ASIC2: variants seen among roughly 807,000 people sequenced by gnomAD.
ASIC2 encodes the protein acid-sensing ion channel 2.
A neutral mutation model predicts 57.3 loss-of-function variants in ASIC2; 25 were observed. That is an observed-to-expected ratio of 0.44 (90% CI 0.32 to 0.61). The LOEUF (loss-of-function observed/expected upper bound fraction) is 0.61, where lower values mean the gene tolerates loss of function less well. Ranked by LOEUF, ASIC2 falls within the 20% of genes least tolerant of loss-of-function variation. The pLI is 0.06. For missense variants in ASIC2, 641 were observed against 738.1 expected (o/e 0.87, Z 1.52); for synonymous variants, 319 against 307.5 (o/e 1.04, Z -0.39).
intron 1 of ASIC2, among the ~76,000 whole-genome samples, chr17:34,112,830 G>A (rs1449188369): frequency 6.6e-6 from 1 of 152,190 alleles, no homozygotes; most frequent in African/African-American, 2.4e-5. Context: ...ATATTGCTAA[G>A]AGTACAGGAC....
chr17:34,141,208 T>C (rs9911464), intron 1 of ASIC2, among the ~76,000 whole-genome samples: 111,274 of 151,656 alleles, frequency 0.73, 40,887 homozygotes, highest in South Asian at 0.84. Flanking sequence ...ACAGAAACAT[T>C]GTAAGAATAA....
chr17:33,627,355 CTTTA>C (rs1208192277), intron 1 of ASIC2: 2 of 152,250 alleles, frequency 1.3e-5, no homozygotes, highest in Admixed American at 6.5e-5. Context: ...AGTTTGGGTG[CTTTA>C]TTTATTCCTT....
At chr17:33,532,110 C>A (rs1276803268) in intron 1 of ASIC2, among the ~76,000 whole-genome samples, 1 of 152,156 alleles carries the variant, frequency 6.6e-6, no homozygotes, top group Non-Finnish European at 1.5e-5. Context: ...GGAGCCAGAA[C>A]CAACACCCAG....
chr17:33,971,982 T>G (rs1209742097), intron 1 of ASIC2, among the ~76,000 whole-genome samples: 1 of 152,136 alleles, frequency 6.6e-6, no homozygotes, highest in Non-Finnish European at 1.5e-5. Flanking sequence ...TTACAGTTAC[T>G]AAGTGCTTTC....
At chr17:33,325,064 A>G (rs1294182049) in intron 1 of ASIC2, among the ~76,000 whole-genome samples, 1 of 152,216 alleles carries the variant, frequency 6.6e-6, no homozygotes, top group Non-Finnish European at 1.5e-5. Flanking sequence ...GCTTTCCATC[A>G]TCAGGCACGT....
chr17:33,642,224 A>C lies in ASIC2; in HGVS notation c.555+513754T>G, dbSNP rs1321397768. Among the ~76,000 whole-genome samples the C allele has an allele frequency of 8.0e-3, 1,012 of 126,538 alleles. 6 individuals are homozygous for C. Among genetic ancestry groups the C allele is most frequent in the African/African-American group, 0.017 (638 of 36,476 alleles). 83.0% of individuals were successfully genotyped at this position (126,538 alleles called of 152,430 possible). Reference sequence around the variant, plus strand: ...AAAAGGACACCCCCCCCCCCCCCACACACAATGGTTATGGCTGCACACCTG... The same window carrying C: ...AAAAGGACACCCCCCCCCCCCCCACCCACAATGGTTATGGCTGCACACCTG... On this transcript the variant is annotated intron_variant, in intron 1 of 9. Transcript: ENST00000359872.
intron 1 of ASIC2, among the ~76,000 whole-genome samples, chr17:33,636,588 G>C (rs190640905): frequency 6.6e-6 from 1 of 152,176 alleles, no homozygotes; most frequent in African/African-American, 2.4e-5. Flanking sequence ...TTCTTTCTAA[G>C]AGTCCATATT....
chr17:33,290,022 C>T (rs1381910511), intron 1 of ASIC2, among the ~76,000 whole-genome samples: 1 of 152,208 alleles, frequency 6.6e-6, no homozygotes, highest in East Asian at 1.9e-4. Context: ...AACAGCATCT[C>T]CTACTTGCCA....
chr17:33,870,301 G>A lies in ASIC2; in HGVS notation c.555+285677C>T, dbSNP rs1914368057. ...CTCTGTGGTTGCTGTTTGGAGAATGGGTTTGGGAGAGAGAAAGAACGAACA... is the reference window on the plus strand; with the variant it reads ...CTCTGTGGTTGCTGTTTGGAGAATGAGTTTGGGAGAGAGAAAGAACGAACA... On this transcript the variant is annotated intron_variant, in intron 1 of 9. Transcript: ENST00000359872. 8.8e-5 allele frequency among the ~76,000 whole-genome samples: 8 copies of A among 90,480 alleles called. 1 individual carries two copies. In the South Asian group the frequency reaches 3.0e-3, roughly 33 times the overall value. The allele number at this position is 90,480 out of a possible 152,430, so 59.4% of individuals were successfully genotyped here. A position where few individuals can be genotyped will look rare whatever the true frequency, so the allele number is the denominator to read the frequency against.
intron 3 of ASIC2, among the ~76,000 whole-genome samples, chr17:33,080,668 T>C (rs1351154648): frequency 3.3e-5 from 5 of 152,196 alleles, no homozygotes; most frequent in African/African-American, 1.2e-4. Context: ...GCCAGCATCA[T>C]GACTCTTGCT....
At chr17:33,348,926 C>A (rs1423331153) in intron 1 of ASIC2, among the ~76,000 whole-genome samples, 1 of 152,174 alleles carries the variant, frequency 6.6e-6, no homozygotes, top group Non-Finnish European at 1.5e-5. Flanking sequence ...CTGTGGGAAA[C>A]CTGATCGGTG....
At chr17:33,083,721 T>G (rs72817096) in intron 3 of ASIC2, among the ~76,000 whole-genome samples, 1 of 152,070 alleles carries the variant, frequency 6.6e-6, no homozygotes, top group South Asian at 2.1e-4. Flanking sequence ...TCTGCATCAT[T>G]GGGATGTAGG....
chr17:33,159,421 T>C (rs1351552966), intron 1 of ASIC2, among the ~76,000 whole-genome samples: 1 of 152,154 alleles, frequency 6.6e-6, no homozygotes, highest in Non-Finnish European at 1.5e-5. Flanking sequence ...TGAAGCGGGC[T>C]GTGGTCAAAG....
chr17:33,640,824 GC>G (rs1183559362), intron 1 of ASIC2, among the ~76,000 whole-genome samples: 1 of 152,180 alleles, frequency 6.6e-6, no homozygotes, highest in Non-Finnish European at 1.5e-5. Context: ...CCCCTGGCTG[GC>G]CTGCGAGAGT....
At chr17:33,058,936 G>A (rs1020397632) in intron 3 of ASIC2, among the ~76,000 whole-genome samples, 1 of 152,102 alleles carries the variant, frequency 6.6e-6, no homozygotes, top group Non-Finnish European at 1.5e-5. Context: ...CTGTTTGATG[G>A]AAATATTATG....
chr17:33,458,236 G>A (rs576068960), intron 1 of ASIC2, among the ~76,000 whole-genome samples: 2 of 152,194 alleles, frequency 1.3e-5, no homozygotes, highest in Non-Finnish European at 2.9e-5. Flanking sequence ...GTGGTAGGAG[G>A]AGAGAGGTCT....
intron 1 of ASIC2, among the ~76,000 whole-genome samples, chr17:33,527,984 C>T (rs1226896319): frequency 6.6e-6 from 1 of 152,182 alleles, no homozygotes; most frequent in Non-Finnish European, 1.5e-5. Flanking sequence ...GGAGGCCCTA[C>T]TGTATTGCAG....
intron 1 of ASIC2, among the ~76,000 whole-genome samples, chr17:33,784,004 CA>C (rs1433343798): frequency 5.9e-5 from 9 of 152,326 alleles, no homozygotes; most frequent in African/African-American, 2.2e-4. Context: ...ACCAAAGGTA[CA>C]GCTCTGCCTG....
chr17:33,063,488 C>T (rs1238664949), intron 3 of ASIC2, among the ~76,000 whole-genome samples: 1 of 151,950 alleles, frequency 6.6e-6, no homozygotes, highest in African/African-American at 2.4e-5. Flanking sequence ...TGAATATTGG[C>T]CCCCCCTCTC....
Sources: gnomAD v4.1 joint callset for allele counts (sites outside exome capture counted in the v4.1 genomes callset) on GRCh38, gnomAD v4.1.1 for gene constraint, MANE v1.5 for transcripts, NCBI Gene and HGNC (gene_info 2026-07-23, HGNC 2026-07-21) for gene names.